ARL16: variants seen among roughly 807,000 people sequenced by gnomAD.
ARL16 encodes the protein ADP-ribosylation factor-like protein 16.
ARL16 carries 21 observed loss-of-function variants against 14.1 expected under a neutral mutation model. The ratio of observed to expected loss-of-function variants is 1.48; its 90% CI spans 1.05 to 2.14. The LOEUF (loss-of-function observed/expected upper bound fraction) is 2.14. Ranked by LOEUF, ARL16 falls within the 30% of genes most tolerant of loss-of-function variation. The pLI is 0.00. For missense variants in ARL16, 248 were observed against 222.0 expected (o/e 1.12, Z -0.74); for synonymous variants, 122 against 91.8 (o/e 1.33, Z -1.88).
At chr17:81,683,256 C>A in intron 2 of ARL16, 130 bp from the exon 3 acceptor site, 1 of 953,934 alleles carries the variant, frequency 1.0e-6, no homozygotes, top group South Asian at 1.6e-5. Flanking sequence ...AACGCAGGAA[C>A]GGCGAGCAGG....
Position 81,683,035 on chromosome 17 carries a change from T to C in ARL16, c.212A>G (p.Tyr71Cys), listed in dbSNP as rs753824789. Residue 71 changes from tyrosine (Y) to cysteine (C), a missense_variant, in exon 3 of 5, where the codon TAT (tyrosine) becomes TGT (cysteine). Physicochemically the swap from Tyr to Cys is radical, Grantham distance 194. Transcript: ENST00000622299. ...CACCAGGAGAGAACGGCAGTTTCCA[T>C]AGTAACTGGACCAGATGGGGCCCAT... ...GCMGPIWSSYYGNCRSLLFVM... is the reference protein window; with the variant it reads ...GCMGPIWSSYCGNCRSLLFVM... 9.9e-6 allele frequency: 16 copies of C among 1,613,528 alleles called. No individual in the cohort carries two copies. The highest frequency in any genetic ancestry group is 1.4e-5 in the Non-Finnish European group (16 of 1,179,834).
At chr17:81,682,305 C>T (rs1296764635) in intron 3 of ARL16, 156 bp from the exon 4 acceptor site, 16 of 549,148 alleles carry the variant, frequency 2.9e-5, no homozygotes. Flanking sequence ...GGCACGATCT[C>T]GGCTCACTGA....
Position 81,681,452 on chromosome 17 carries a change from C to T in ARL16, c.*256G>A, listed in dbSNP as rs1164418060. On this transcript the variant is annotated 3_prime_UTR_variant, in exon 5 of 5. Coordinates refer to ENST00000622299, the MANE Select transcript of ARL16 (RefSeq NM_001040025.3). The stretch of plus-strand genomic sequence containing the variant: ...CCGACCTCAGGTGATACACCCGCCT[C>T]GGCCTCTCAAAGTGCTGGGATTACA... The T allele has an allele frequency of 1.8e-5, 7 of 396,738 alleles. No individual in the cohort carries two copies. In the East Asian group the frequency reaches 2.6e-4, roughly 15 times the overall value. 24.6% of individuals were successfully genotyped at this position (396,738 alleles called of 1,614,324 possible).
chr17:81,683,017 A>G lies in ARL16; in HGVS notation c.230T>C (p.Leu77Pro). The change falls in exon 3 of 5, where the codon CTC becomes CCC. Residue 77 changes from leucine to proline, a missense_variant. Transcript: ENST00000622299. ...WSSYYGNCRS[L>P]LFVMDASDPT... Reference sequence around the variant, plus strand: ...CCATATAGGATTACAACCCACCAGGAGAGAACGGCAGTTTCCATAGTAACT... The same window carrying G: ...CCATATAGGATTACAACCCACCAGGGGAGAACGGCAGTTTCCATAGTAACT... The G allele has an allele frequency of 6.2e-7, 1 of 1,613,326 alleles. No homozygotes were observed. The highest frequency in any genetic ancestry group is 1.1e-5 in the South Asian group (1 of 91,072).
rs1318113900 is a variant in ARL16, at chr17:81,683,044, G to A, written c.203C>T (p.Ser68Phe). 2 of 1,613,698 alleles carry A rather than the reference G, an allele frequency of 1.2e-6. No individual in the cohort carries two copies. The highest frequency in any genetic ancestry group is 1.7e-5 in the Admixed American group (1 of 60,022). Reference protein sequence around the residue: ...ELGGCMGPIWSSYYGNCRSLL... With the variant: ...ELGGCMGPIWFSYYGNCRSLL... ...AGAACGGCAGTTTCCATAGTAACTG[G>A]ACCAGATGGGGCCCATGCACCCCCC... Residue 68 changes from serine (S) to phenylalanine (F), a missense_variant, in exon 3 of 5, where the codon TCC (serine) becomes TTC (phenylalanine). Physicochemically the swap from Ser to Phe is radical, Grantham distance 155. Coordinates refer to ENST00000622299, the MANE Select transcript of ARL16 (RefSeq NM_001040025.3).
chr17:81,682,172 C>T (rs1165792628), intron 3 of ARL16, 23 bp from the exon 4 acceptor site: 21 of 1,549,696 alleles, frequency 1.4e-5, no homozygotes, highest in Non-Finnish European at 1.8e-5. Flanking sequence ...AAAAAGACAG[C>T]AGCAATGCCC....
Position 81,683,136 on chromosome 17 carries a change from A to T in ARL16, c.121-10T>A. On this transcript the variant is annotated splice_polypyrimidine_tract_variant and intron_variant, in intron 2 of 4. Coordinates refer to ENST00000622299, the MANE Select transcript of ARL16 (RefSeq NM_001040025.3). ...TAAGATTGGTGCCCACCTATAGGAAAAACCACGATGCAAAAAGAACAATAC... is the reference window on the plus strand; with the variant it reads ...TAAGATTGGTGCCCACCTATAGGAATAACCACGATGCAAAAAGAACAATAC... 6.2e-7 allele frequency: 1 copy of T among 1,601,074 alleles called. No individual in the cohort carries two copies.
intron 3 of ARL16, 37 bp downstream of exon 3, chr17:81,682,976 C>T (rs749324753): frequency 5.8e-6 from 9 of 1,561,398 alleles, no homozygotes; most frequent in South Asian, 1.1e-5. Flanking sequence ...TGTAGACACA[C>T]TTCCCTAAAG....
At chr17:81,681,954 C>G in intron 4 of ARL16, 75 bp from the exon 5 acceptor site, 5 of 1,559,776 alleles carry the variant, frequency 3.2e-6, no homozygotes, top group Non-Finnish European at 4.3e-6. Context: ...GCACCACCTC[C>G]CTACCGAGCC....
Position 81,683,611 on chromosome 17 carries a change from G to C in ARL16, c.62-17C>G. ...AGCTCACCTGTGCGAAGCGGTCAAG[G>C]ACCCGAGCAGCTAAAGGGTGAGTCC... On this transcript the variant is annotated splice_polypyrimidine_tract_variant and intron_variant, in intron 1 of 4. Coordinates refer to ENST00000622299, the MANE Select transcript of ARL16 (RefSeq NM_001040025.3). 6.3e-7 allele frequency: 1 copy of C among 1,597,912 alleles called. No homozygotes were observed. Among genetic ancestry groups the C allele is most frequent in the Non-Finnish European group, 8.5e-7 (1 of 1,174,996 alleles).
chr17:81,683,667 G>T (rs748998326), intron 1 of ARL16, 26 bp downstream of exon 1: 8 of 1,593,348 alleles, frequency 5.0e-6, no homozygotes, highest in Admixed American at 3.5e-5. Flanking sequence ...CCCGCGCCCC[G>T]GTCCCGTCCC....
chr17:81,681,726 G>A lies in ARL16; in HGVS notation c.504C>T (p.Thr168=). ...CGTGCAGTCAATCGTTGGCTCTGTG[G>A]GTGGCCTGGAGCCAGGCCAGCACCC... ...LAGVLAWLQA[T]HRAND is the part of the protein sequence containing the mutation. The change falls in exon 5 of 5, where the codon ACC becomes ACT. Residue 168 remains threonine (T), a synonymous_variant. Coordinates refer to ENST00000622299, the MANE Select transcript of ARL16 (RefSeq NM_001040025.3). 6.2e-7 allele frequency: 1 copy of A among 1,606,018 alleles called. No individual in the cohort carries two copies. The highest frequency in any genetic ancestry group is 1.1e-5 in the South Asian group (1 of 89,940).
intron 2 of ARL16, 120 bp downstream of exon 2, chr17:81,683,416 G>T: frequency 7.7e-7 from 1 of 1,299,984 alleles, no homozygotes; most frequent in Non-Finnish European, 1.0e-6. Context: ...GCTCCCGAAG[G>T]CTGGCCTTAA....
chr17:81,682,239 G>T, intron 3 of ARL16, 90 bp from the exon 4 acceptor site: 1 of 894,500 alleles, frequency 1.1e-6, no homozygotes, highest in Non-Finnish European at 1.6e-6. Context: ...GAGCAAAACT[G>T]CATTTTTTAA....
chr17:81,683,647 C>A, intron 1 of ARL16, 46 bp downstream of exon 1: 1 of 1,591,008 alleles, frequency 6.3e-7, no homozygotes, highest in Middle Eastern at 1.7e-4. Context: ...CCGCCCCACT[C>A]CGGGTGCCCC....
Position 81,683,011 on chromosome 17 carries a change from A to G in ARL16, c.234+2T>C, listed in dbSNP as rs751079916. On this transcript the variant is annotated splice_donor_variant, in intron 3 of 4. Transcript: ENST00000622299. LOFTEE classifies it high-confidence loss of function. ...GGAAGCCCATATAGGATTACAACCCACCAGGAGAGAACGGCAGTTTCCATA... is the reference window on the plus strand; with the variant it reads ...GGAAGCCCATATAGGATTACAACCCGCCAGGAGAGAACGGCAGTTTCCATA... The G allele has an allele frequency of 6.2e-7, 1 of 1,612,758 alleles. No homozygotes were observed. Among genetic ancestry groups the G allele is most frequent in the Non-Finnish European group, 8.5e-7 (1 of 1,179,156 alleles).
chr17:81,682,068 C>T lies in ARL16; in HGVS notation c.316G>A (p.Ala106Thr). Residue 106 changes from alanine to threonine, a missense_variant, in exon 4 of 5, where the codon GCA (alanine) becomes ACA (threonine). Ala to Thr is a moderately conservative substitution (Grantham distance 58, BLOSUM62 0). Coordinates refer to ENST00000622299, the MANE Select transcript of ARL16 (RefSeq NM_001040025.3). ...LLGLLSAEQL[A>T]EASVLILFNK... The stretch of plus-strand genomic sequence containing the variant: ...AAGAGTATCAGCACCGATGCTTCTG[C>T]AAGTTGTTCTGCAGAAAGGAGACCT... The T allele has an allele frequency of 1.2e-6, 2 of 1,613,046 alleles. No homozygotes were observed. The highest frequency in any genetic ancestry group is 2.2e-5 in the South Asian group (2 of 91,028).
At chr17:81,682,968 T>C in intron 3 of ARL16, 45 bp downstream of exon 3, 1 of 1,542,948 alleles carries the variant, frequency 6.5e-7, no homozygotes, top group Non-Finnish European at 9.0e-7. Flanking sequence ...CACAGAAATG[T>C]AGACACACTT....
At chr17:81,683,355 C>T in intron 2 of ARL16, 181 bp downstream of exon 2, 2 of 922,724 alleles carry the variant, frequency 2.2e-6, no homozygotes, top group African/African-American at 1.7e-5. Flanking sequence ...CCGTGGAGGG[C>T]GGCAGGCCCC....
Sources: allele counts gnomAD v4.1 joint callset, GRCh38; gene constraint gnomAD v4.1.1; transcripts MANE v1.5; gene names NCBI Gene and HGNC (gene_info 2026-07-23, HGNC 2026-07-21).